DLGAP2: variants seen among roughly 807,000 people sequenced by gnomAD.
DLGAP2 encodes the protein DLG associated protein 2.
In DLGAP2, 26 loss-of-function variants were observed where a neutral mutation model predicts 100.3. The observed-to-expected ratio is 0.26, with a 90% CI of 0.19 to 0.36. DLGAP2 has a LOEUF of 0.36. Among genes scored for constraint, DLGAP2 ranks in the 10% least tolerant of loss-of-function variants. The pLI is 1.00. For missense variants in DLGAP2, 1,858 were observed against 1,453.2 expected, an observed-to-expected ratio of 1.28 and a Z score of -4.53; for synonymous variants, 886 against 630.1, an observed-to-expected ratio of 1.41 and a Z score of -6.08.
At chr8:776,864 G>T (rs1821533056) in intron 1 of DLGAP2, among the ~76,000 whole-genome samples, 1 of 152,142 alleles carries the variant, frequency 6.6e-6, no homozygotes, top group African/African-American at 2.4e-5. Flanking sequence ...TGTCTATTAG[G>T]TCCACTTGTT....
chr8:1,440,924 A>G (rs2130064451), intron 3 of DLGAP2, among the ~76,000 whole-genome samples: 1 of 152,342 alleles, frequency 6.6e-6, no homozygotes, highest in East Asian at 1.9e-4. Context: ...CTTCTGAAAT[A>G]TCTTTTATAA....
intron 1 of DLGAP2, among the ~76,000 whole-genome samples, chr8:779,486 C>G (rs1164062024): frequency 7.0e-6 from 1 of 143,496 alleles, no homozygotes; most frequent in Non-Finnish European, 1.5e-5. Flanking sequence ...TTTTTTCAGA[C>G]AGGGTCTTGC....
chr8:1,216,217 C>T (rs182958715), intron 2 of DLGAP2, among the ~76,000 whole-genome samples: 6 of 152,322 alleles, frequency 3.9e-5, no homozygotes, highest in Admixed American at 2.0e-4. Context: ...TTGGGGTCTT[C>T]AGGTCTCACG....
At chr8:1,205,304 G>A (rs1797966183) in intron 2 of DLGAP2, among the ~76,000 whole-genome samples, 1 of 152,204 alleles carries the variant, frequency 6.6e-6, no homozygotes, top group African/African-American at 2.4e-5. Context: ...GTCGGGGATA[G>A]CCCCTGAGGC....
intron 8 of DLGAP2, among the ~76,000 whole-genome samples, chr8:1,662,699 C>T (rs948999059): frequency 1.3e-5 from 2 of 152,268 alleles, no homozygotes; most frequent in African/African-American, 4.8e-5. Flanking sequence ...GCCTACCCCA[C>T]AAGGTTGTTC....
chr8:866,944 C>T (rs1186752631), intron 1 of DLGAP2, among the ~76,000 whole-genome samples: 3 of 152,224 alleles, frequency 2.0e-5, no homozygotes, highest in South Asian at 2.1e-4. Context: ...GAGATGGTGT[C>T]TTCATCCCTT....
chr8:957,790 G>A (rs1252411234), intron 2 of DLGAP2, among the ~76,000 whole-genome samples: 1 of 151,904 alleles, frequency 6.6e-6, no homozygotes. Context: ...GGTGTAGGCT[G>A]GTAATAATAT....
chr8:856,775 C>T lies in DLGAP2; in HGVS notation c.19-51137C>T, dbSNP rs903496490. Among the ~76,000 whole-genome samples the T allele has an allele frequency of 8.5e-5, 13 of 152,160 alleles. 1 individual carries two copies. Among genetic ancestry groups the T allele is most frequent in the South Asian group, 6.2e-4 (3 of 4,828 alleles). ...CCCCATATCCCTGGACAGGAAAATCCGTGCTGTTGAGATATCCATTTTTCT... is the reference window on the plus strand; with the variant it reads ...CCCCATATCCCTGGACAGGAAAATCTGTGCTGTTGAGATATCCATTTTTCT... On this transcript the variant is annotated intron_variant, in intron 1 of 14. Coordinates refer to ENST00000637795, the MANE Select transcript of DLGAP2 (RefSeq NM_001346810.2).
chr8:1,599,605 G>A (rs551292861), intron 6 of DLGAP2, among the ~76,000 whole-genome samples: 2 of 152,142 alleles, frequency 1.3e-5, no homozygotes, highest in African/African-American at 2.4e-5. Context: ...TTCTTGTTGC[G>A]TTGATCCCTT....
At chr8:1,352,102 C>T (rs1199917870) in intron 3 of DLGAP2, among the ~76,000 whole-genome samples, 1 of 85,548 alleles carries the variant, frequency 1.2e-5, no homozygotes, top group African/African-American at 4.0e-5. Context: ...AAAGGCCGTG[C>T]GGGTCCTGAG....
At chr8:753,001 C>G (rs563346740) in intron 1 of DLGAP2, among the ~76,000 whole-genome samples, 124 of 152,338 alleles carry the variant, frequency 8.1e-4, no homozygotes, top group African/African-American at 2.7e-3. Flanking sequence ...TACCACTTTC[C>G]TACACCTCTT....
chr8:835,948 C>T (rs1178947102), intron 1 of DLGAP2, among the ~76,000 whole-genome samples: 3 of 152,128 alleles, frequency 2.0e-5, no homozygotes, highest in Admixed American at 1.3e-4. Flanking sequence ...AAACGCAGAC[C>T]TTTTCTCACA....
At chr8:948,907 G>C (rs1406236595) in intron 2 of DLGAP2, among the ~76,000 whole-genome samples, 1 of 150,772 alleles carries the variant, frequency 6.6e-6, no homozygotes, top group Non-Finnish European at 1.5e-5. Context: ...GCCCGTGGGC[G>C]TGACTGCCGC....
At chr8:946,334 G>A (rs935232828) in intron 2 of DLGAP2, among the ~76,000 whole-genome samples, 1 of 151,650 alleles carries the variant, frequency 6.6e-6, no homozygotes, top group Non-Finnish European at 1.5e-5. Context: ...TGCGATCTGG[G>A]CTCATTGCAA....
chr8:1,093,830 A>G (rs1807665276), intron 2 of DLGAP2, among the ~76,000 whole-genome samples: 2 of 152,250 alleles, frequency 1.3e-5, no homozygotes, highest in African/African-American at 4.8e-5. Context: ...TTCTGGCTCT[A>G]GGAATATTCA....
intron 2 of DLGAP2, among the ~76,000 whole-genome samples, chr8:1,128,804 A>C (rs1291069539): frequency 1.3e-5 from 2 of 152,202 alleles, no homozygotes; most frequent in Non-Finnish European, 2.9e-5. Flanking sequence ...GTCTCTGTTA[A>C]GAGATTAAAA....
In DLGAP2 at chr8:1,415,175, C is replaced by G. The variant is rs150922055; in HGVS notation, c.107-86191C>G. Among the ~76,000 whole-genome samples the G allele has an allele frequency of 3.2e-3, 484 of 152,336 alleles. 4 individuals are homozygous for G. The highest frequency in any genetic ancestry group is 0.011 in the African/African-American group (462 of 41,574). ...AAACAGGCAACTCTATTCTGCCAAC[C>G]TGTGGGCTGTGTCTATCTTTAATCT... On this transcript the variant is annotated intron_variant, in intron 3 of 14. Transcript: ENST00000637795.
chr8:1,205,123 C>G (rs192371979), intron 2 of DLGAP2, among the ~76,000 whole-genome samples: 202 of 152,342 alleles, frequency 1.3e-3, no homozygotes, highest in Middle Eastern at 6.8e-3. Flanking sequence ...GTGGGAATTT[C>G]TGCATCTCAC....
chr8:854,582 G>A (rs1040181780), intron 1 of DLGAP2, among the ~76,000 whole-genome samples: 1 of 149,964 alleles, frequency 6.7e-6, no homozygotes, highest in Non-Finnish European at 1.5e-5. Context: ...ATGTTTGTGT[G>A]TTCATGTTGT....
Sources: allele counts gnomAD v4.1 joint callset (sites outside exome capture counted in the v4.1 genomes callset), GRCh38; gene constraint gnomAD v4.1.1; transcripts MANE v1.5; gene names NCBI Gene and HGNC (gene_info 2026-07-23, HGNC 2026-07-21).